Variants in THSD7A observed in about 807,000 individuals in gnomAD.
THSD7A encodes thrombospondin type-1 domain-containing protein 7A.
In THSD7A, 96 loss-of-function variants were observed where a neutral mutation model predicts 231.3. The observed-to-expected ratio is 0.41, with a 90% CI of 0.35 to 0.49. THSD7A has a LOEUF of 0.49. Ranked by LOEUF, THSD7A falls within the 20% of genes least tolerant of loss-of-function variation. The probability of loss-of-function intolerance (pLI) is 0.05; values close to 1 mark genes in which losing one functional copy is unlikely to be tolerated. For synonymous variants in THSD7A, 940 were observed against 743.3 expected (o/e 1.26, Z -4.30); for missense variants, 2,290 against 2,070.2 (o/e 1.11, Z -2.06).
intron 1 of THSD7A, among the ~76,000 whole-genome samples, chr7:11,804,439 CAACA>C (rs1253083635): frequency 6.6e-6 from 1 of 152,010 alleles, no homozygotes; most frequent in African/African-American, 2.4e-5. Flanking sequence ...CTATAAACAA[CAACA>C]AAAAGAACAC....
In THSD7A at chr7:11,561,341, C is replaced by G. The variant is rs193019294; in HGVS notation, c.1454-18224G>C. Among the ~76,000 whole-genome samples, 92 of 152,180 alleles carry G rather than the reference C, an allele frequency of 6.0e-4. 1 individual carries two copies. Among genetic ancestry groups the G allele is most frequent in the Admixed American group, 1.3e-3 (20 of 15,268 alleles). ...CTATCAAGATAATCACATATCAAAC[C>G]TAGTGGTCTATCAATGAAAATTATT... On this transcript the variant is annotated intron_variant, in intron 4 of 27. Coordinates refer to ENST00000423059, the MANE Select transcript of THSD7A (RefSeq NM_015204.3).
At chr7:11,565,697 T>A (rs1232574000) in intron 4 of THSD7A, among the ~76,000 whole-genome samples, 1 of 152,210 alleles carries the variant, frequency 6.6e-6, no homozygotes, top group Non-Finnish European at 1.5e-5. Context: ...TGTCATCACA[T>A]CGTTTCCTCT....
intron 6 of THSD7A, among the ~76,000 whole-genome samples, chr7:11,525,020 T>C (rs968942352): frequency 1.3e-5 from 2 of 152,234 alleles, no homozygotes; most frequent in Non-Finnish European, 2.9e-5. Flanking sequence ...GAAAGGCACG[T>C]TCTTCATACA....
At chr7:11,762,541 T>C (rs144497303) in intron 1 of THSD7A, among the ~76,000 whole-genome samples, 2 of 152,318 alleles carry the variant, frequency 1.3e-5, no homozygotes, top group African/African-American at 4.8e-5. Context: ...TTCTGAGAAA[T>C]GTCTGTTCGT....
chr7:11,379,487 T>C (rs1782422795), intron 25 of THSD7A, 143 bp downstream of exon 25: 2 of 907,412 alleles, frequency 2.2e-6, no homozygotes, highest in East Asian at 2.7e-5. Context: ...GTCAGGACTT[T>C]TTAGATTGAT....
chr7:11,544,413 A>G (rs533952569), intron 4 of THSD7A, among the ~76,000 whole-genome samples: 4 of 152,174 alleles, frequency 2.6e-5, no homozygotes, highest in African/African-American at 7.2e-5. Context: ...TATCACTCTC[A>G]TGATTGGGTG....
chr7:11,523,912 T>A (rs908534430), intron 6 of THSD7A, among the ~76,000 whole-genome samples: 1 of 152,162 alleles, frequency 6.6e-6, no homozygotes. Context: ...ATTTGGGATA[T>A]GGTTCCTTAG....
chr7:11,389,859 C>G (rs1349171670), intron 23 of THSD7A, among the ~76,000 whole-genome samples: 1 of 152,154 alleles, frequency 6.6e-6, no homozygotes, highest in Non-Finnish European at 1.5e-5. Context: ...TTTTATTTCT[C>G]TTTCACTTAT....
rs559653364 is a variant in THSD7A, at chr7:11,580,088, T to A, written c.1453+10372A>T. On this transcript the variant is annotated intron_variant, in intron 4 of 27. Coordinates refer to ENST00000423059, the MANE Select transcript of THSD7A (RefSeq NM_015204.3). Reference sequence around the variant, plus strand: ...AACATTTAGGGTTCTCTAAATCGCATAAGCTTTGGGTCCCAAAAGACTCTC... The same window carrying A: ...AACATTTAGGGTTCTCTAAATCGCAAAAGCTTTGGGTCCCAAAAGACTCTC... Among the ~76,000 whole-genome samples, 6 of 152,306 alleles carry A rather than the reference T, an allele frequency of 3.9e-5. No individual in the cohort carries two copies. The South Asian group carries it at 1.0e-3, about 26-fold the overall frequency.
chr7:11,709,007 C>T (rs1440342052), intron 1 of THSD7A, among the ~76,000 whole-genome samples: 1 of 150,576 alleles, frequency 6.6e-6, no homozygotes, highest in Non-Finnish European at 1.5e-5. Flanking sequence ...AAAGGGAAGA[C>T]ATTGAATAAC....
intron 2 of THSD7A, among the ~76,000 whole-genome samples, chr7:11,598,195 G>C (rs1212387671): frequency 3.3e-5 from 5 of 152,190 alleles, no homozygotes; most frequent in Non-Finnish European, 7.3e-5. Flanking sequence ...GTAGCCAATG[G>C]TTTGGCTGGA....
intron 6 of THSD7A, among the ~76,000 whole-genome samples, chr7:11,486,263 CTTTAT>C (rs1449027843): frequency 2.0e-5 from 3 of 152,000 alleles, no homozygotes; most frequent in Non-Finnish European, 2.9e-5. Flanking sequence ...GATTGATACA[CTTTAT>C]TTTGATTGGA....
chr7:11,628,153 G>A (rs1162501736), intron 2 of THSD7A, among the ~76,000 whole-genome samples: 1 of 152,208 alleles, frequency 6.6e-6, no homozygotes, highest in East Asian at 1.9e-4. Context: ...ATTGGGGCGT[G>A]TTAAAAACCC....
intron 6 of THSD7A, among the ~76,000 whole-genome samples, chr7:11,534,704 G>A (rs1472945398): frequency 6.6e-6 from 1 of 152,154 alleles, no homozygotes; most frequent in Admixed American, 6.5e-5. Context: ...GAAGTCATGG[G>A]AAGACAATAT....
chr7:11,791,749 T>C (rs1311850066), intron 1 of THSD7A, among the ~76,000 whole-genome samples: 2 of 151,884 alleles, frequency 1.3e-5, no homozygotes, highest in African/African-American at 4.8e-5. Context: ...AAAAAATATT[T>C]CCTACCTGCT....
intron 6 of THSD7A, 109 bp downstream of exon 6, chr7:11,541,310 G>C (rs1433501585): frequency 4.7e-6 from 5 of 1,054,664 alleles, no homozygotes; most frequent in Non-Finnish European, 5.7e-6. Flanking sequence ...TTCTACGTTT[G>C]TAAACAGAAT....
At chr7:11,390,338 T>G (rs1782931436) in intron 23 of THSD7A, among the ~76,000 whole-genome samples, 1 of 152,236 alleles carries the variant, frequency 6.6e-6, no homozygotes, top group African/African-American at 2.4e-5. Flanking sequence ...TCTTCTCACT[T>G]TATTTCATTA....
At chr7:11,445,832 C>G (rs1188767927) in intron 13 of THSD7A, among the ~76,000 whole-genome samples, 1 of 151,992 alleles carries the variant, frequency 6.6e-6, no homozygotes, top group African/African-American at 2.4e-5. Context: ...TGGGCCCCAT[C>G]AGGCTTCCTG....
Position 11,636,113 on chromosome 7 carries a change from A to C in THSD7A, c.1022+17T>G. On this transcript the variant is annotated intron_variant, in intron 2 of 27. Transcript: ENST00000423059. This position sits in a 1 kb window ranked among gnomAD's most constrained non-coding sequence, Gnocchi z 10.0. Reference sequence around the variant, plus strand: ...TGACAGACAAGCCTGTGTAGTTAACAGTAATTAAAATGTTACCTTAAATCA... The same window carrying C: ...TGACAGACAAGCCTGTGTAGTTAACCGTAATTAAAATGTTACCTTAAATCA... 1.3e-6 allele frequency: 2 copies of C among 1,593,764 alleles called. No individual in the cohort carries two copies.
Sources: allele counts gnomAD v4.1 joint callset (sites outside exome capture counted in the v4.1 genomes callset), GRCh38; gene constraint gnomAD v4.1.1; non-coding constraint Gnocchi (gnomAD v3.1); transcripts MANE v1.5; gene names NCBI Gene and HGNC (gene_info 2026-07-23, HGNC 2026-07-21).